The following PPP4R2 variants were observed in gnomAD, a reference collection of about 807,000 sequenced individuals.
PPP4R2 encodes protein phosphatase 4 regulatory subunit 2.
In PPP4R2, 13 loss-of-function variants were observed where a neutral mutation model predicts 47.2. That is an observed-to-expected ratio of 0.28 (90% CI 0.18 to 0.44). The LOEUF is 0.44. Ranked by LOEUF, PPP4R2 falls within the 20% of genes least tolerant of loss-of-function variation. The pLI is 1.00. For missense variants in PPP4R2, 421 were observed against 491.2 expected, an observed-to-expected ratio of 0.86 and a Z score of 1.35; for synonymous variants, 151 against 163.3, an observed-to-expected ratio of 0.92 and a Z score of 0.57.
intron 3 of PPP4R2, among the ~76,000 whole-genome samples, chr3:73,054,697 CCTTT>C (rs1702693295): frequency 6.6e-6 from 1 of 151,928 alleles, no homozygotes; most frequent in Non-Finnish European, 1.5e-5. Context: ...ATGTTACATT[CCTTT>C]GTCTTTTTCA....
intron 2 of PPP4R2, among the ~76,000 whole-genome samples, chr3:73,005,882 CTG>C (rs1291666231): frequency 6.7e-6 from 1 of 150,342 alleles, no homozygotes; most frequent in Non-Finnish European, 1.5e-5. Flanking sequence ...ATACAATACA[CTG>C]TATTTATTCG....
chr3:73,052,945 C>G (rs1200012553), intron 3 of PPP4R2, among the ~76,000 whole-genome samples: 1 of 152,210 alleles, frequency 6.6e-6, no homozygotes, highest in Non-Finnish European at 1.5e-5. Context: ...GACTTTTATA[C>G]TCCAAAGTCT....
intron 2 of PPP4R2, among the ~76,000 whole-genome samples, chr3:73,002,196 T>C (rs1701480926): frequency 6.6e-6 from 1 of 152,228 alleles, no homozygotes; most frequent in Non-Finnish European, 1.5e-5. Flanking sequence ...TTTTTATTGC[T>C]GAATAATATA....
At chr3:73,024,282 TTATC>T (rs1702015828) in intron 2 of PPP4R2, among the ~76,000 whole-genome samples, 1 of 152,068 alleles carries the variant, frequency 6.6e-6, no homozygotes, top group Non-Finnish European at 1.5e-5. Flanking sequence ...AAAGGAAAAT[TTATC>T]AAACTAAAAT....
intron 2 of PPP4R2, among the ~76,000 whole-genome samples, chr3:73,021,319 A>T (rs949302735): frequency 6.6e-6 from 1 of 151,190 alleles, no homozygotes; most frequent in Non-Finnish European, 1.5e-5. Flanking sequence ...CTGTAGCCTC[A>T]ATCTCCCTGG....
rs931140422 is a variant in PPP4R2 at position 73,024,078 on chromosome 3, G to T, written c.117-23108G>T. 4.4e-4 allele frequency among the ~76,000 whole-genome samples: 67 copies of T among 152,060 alleles called. No homozygotes were observed. The East Asian group carries it at 0.011, about 25-fold the overall frequency. On this transcript the variant is annotated intron_variant, in intron 2 of 8. Transcript: ENST00000356692. ...AAAATAAAATAGATTTTATAGATATGATTGGCTGAAATGAACAGCCTTTTT... is the reference window on the plus strand; with the variant it reads ...AAAATAAAATAGATTTTATAGATATTATTGGCTGAAATGAACAGCCTTTTT...
intron 2 of PPP4R2, among the ~76,000 whole-genome samples, chr3:73,018,713 G>A (rs1701900685): frequency 6.6e-6 from 1 of 152,106 alleles, no homozygotes; most frequent in Non-Finnish European, 1.5e-5. Context: ...CTGTGCTGGT[G>A]TTAAATTCTC....
intron 3 of PPP4R2, among the ~76,000 whole-genome samples, chr3:73,048,558 C>G (rs1319864389): frequency 6.6e-6 from 1 of 152,138 alleles, no homozygotes; most frequent in Non-Finnish European, 1.5e-5. Context: ...CCAGCCAGGA[C>G]TTTGTATTTT....
intron 2 of PPP4R2, among the ~76,000 whole-genome samples, chr3:73,045,051 T>TGGTGTGATCTTGGCTTACTGCAGC (rs1475825243): frequency 6.6e-6 from 1 of 152,170 alleles, no homozygotes. Context: ...TGGATTCCAG[T>TGGTGTGATCTTGGCTTACTGCAGC]GGTGTGATCT....
intron 7 of PPP4R2, 42 bp downstream of exon 7, chr3:73,064,188 G>C (rs1184438818): frequency 6.6e-7 from 1 of 1,526,322 alleles, no homozygotes; most frequent in East Asian, 2.4e-5. Flanking sequence ...TTTATTAAAA[G>C]TTAAAGTTAA....
intron 2 of PPP4R2, among the ~76,000 whole-genome samples, chr3:73,024,678 C>T (rs1702025236): frequency 6.6e-6 from 1 of 151,970 alleles, no homozygotes; most frequent in Non-Finnish European, 1.5e-5. Flanking sequence ...CTTTCCTTTC[C>T]TTTCCCTTTG....
chr3:73,003,092 A>G (rs1416839236), intron 2 of PPP4R2, among the ~76,000 whole-genome samples: 5 of 149,984 alleles, frequency 3.3e-5, no homozygotes, highest in Admixed American at 2.0e-4. Context: ...TATTACTGCC[A>G]CCAATATAAT....
Position 73,064,855 on chromosome 3 carries a change from C to T in PPP4R2, c.642C>T (p.Asp214=). 1 of 1,600,432 alleles carries T rather than the reference C, an allele frequency of 6.2e-7. No homozygotes were observed. Among genetic ancestry groups the T allele is most frequent in the Non-Finnish European group, 8.5e-7 (1 of 1,175,028 alleles). ...LQQNEEKNHS[D]SSTSESEVSS... is the part of the protein sequence containing the mutation. ...CACTTTAAAAAAACATTTACAGTGA[C>T]TCTTCGACCTCTGAATCAGAAGTTT... The change falls in exon 8 of 9, where the codon GAC becomes GAT. Residue 214 remains aspartate, a synonymous_variant. Transcript: ENST00000356692.
intron 2 of PPP4R2, among the ~76,000 whole-genome samples, chr3:73,043,628 G>A (rs944483241): frequency 6.6e-6 from 1 of 152,112 alleles, no homozygotes; most frequent in Non-Finnish European, 1.5e-5. Context: ...TTTGATTATA[G>A]CCACCCTAGT....
chr3:73,021,954 T>A (rs1288772467), intron 2 of PPP4R2, among the ~76,000 whole-genome samples: 1 of 150,028 alleles, frequency 6.7e-6, no homozygotes, highest in Non-Finnish European at 1.5e-5. Context: ...TGGAGTGCAG[T>A]GGCACAGTCT....
At chr3:73,017,527 G>A (rs1701867095) in intron 2 of PPP4R2, among the ~76,000 whole-genome samples, 2 of 152,174 alleles carry the variant, frequency 1.3e-5, no homozygotes, top group South Asian at 4.1e-4. Flanking sequence ...CCTTGAAAGG[G>A]AAGAGTTAGA....
At chr3:73,058,911 A>G in intron 3 of PPP4R2, 126 bp from the exon 4 acceptor site, 2 of 551,034 alleles carry the variant, frequency 3.6e-6, no homozygotes, top group East Asian at 3.5e-5. Context: ...TTTCCCTATT[A>G]TAGCATTTTC....
At position 73,065,609 on chromosome 3, in the gene PPP4R2, G is replaced by A. The variant is rs1702976802; in HGVS notation, c.1141G>A (p.Glu381Lys). ...TAGTTCTTCTGACTGCCGTGAAACAGAAGAATTAGTAGGATCCAATTCCAG... is the reference window on the plus strand; with the variant it reads ...TAGTTCTTCTGACTGCCGTGAAACAAAAGAATTAGTAGGATCCAATTCCAG... ...SSSSSDCRET[E>K]ELVGSNSSKT... Residue 381 changes from glutamate (E) to lysine (K), a missense_variant, in exon 9 of 9, where the codon GAA becomes AAA. Coordinates refer to ENST00000356692, the MANE Select transcript of PPP4R2 (RefSeq NM_174907.4). 3 of 1,613,506 alleles carry A rather than the reference G, an allele frequency of 1.9e-6. No homozygotes were observed. The highest frequency in any genetic ancestry group is 1.7e-6 in the Non-Finnish European group (2 of 1,179,498).
chr3:73,050,093 C>T lies in PPP4R2; in HGVS notation c.287+2737C>T, dbSNP rs371221578. ...GTAGCTGGCATTACAGGGTGCATCA[C>T]CACACCCAGCTATGTTTTTTTTGTT... On this transcript the variant is annotated intron_variant, in intron 3 of 8. Coordinates refer to ENST00000356692, the MANE Select transcript of PPP4R2 (RefSeq NM_174907.4). Among the ~76,000 whole-genome samples, 5 of 152,066 alleles carry T rather than the reference C, an allele frequency of 3.3e-5. No individual in the cohort carries two copies. The East Asian group carries it at 5.8e-4, about 18-fold the overall frequency.
Sources: allele counts gnomAD v4.1 joint callset (sites outside exome capture counted in the v4.1 genomes callset), GRCh38; gene constraint gnomAD v4.1.1; transcripts MANE v1.5; gene names NCBI Gene and HGNC (gene_info 2026-07-23, HGNC 2026-07-21).